GLIS1: variants seen among roughly 807,000 people sequenced by gnomAD.
The protein encoded by GLIS1 is GLIS family zinc finger 1.
A neutral mutation model predicts 63.8 loss-of-function variants in GLIS1; 24 were observed. The ratio of observed to expected loss-of-function variants is 0.38; its 90% CI spans 0.27 to 0.53. The LOEUF is 0.53. Ranked by LOEUF, GLIS1 falls within the 20% of genes least tolerant of loss-of-function variation. GLIS1 has a pLI of 0.85. For synonymous variants in GLIS1, 450 were observed against 482.5 expected (o/e 0.93, Z 0.88); for missense variants, 1,036 against 1,074.1 (o/e 0.96, Z 0.50).
chr1:53,509,752 C>T, intron 9 of GLIS1, 97 bp downstream of exon 9: 1 of 733,344 alleles, frequency 1.4e-6, no homozygotes, highest in Non-Finnish European at 1.9e-6. Flanking sequence ...TCTCTGAGTA[C>T]CTGCCTCCCC....
chr1:53,681,364 T>C (rs1489464059), intron 2 of GLIS1, among the ~76,000 whole-genome samples: 1 of 152,238 alleles, frequency 6.6e-6, no homozygotes, highest in Non-Finnish European at 1.5e-5. Context: ...GGCCTCATCA[T>C]CTGCTGCCTG....
chr1:53,722,950 T>G (rs2100554101), intron 2 of GLIS1, among the ~76,000 whole-genome samples: 1 of 151,420 alleles, frequency 6.6e-6, no homozygotes, highest in East Asian at 2.0e-4. Context: ...CTGGCCAACA[T>G]GGTGAAACCC....
In GLIS1 at chr1:53,539,338, C is replaced by A. The variant is rs1644616376; in HGVS notation, c.1321-9386G>T. On this transcript the variant is annotated intron_variant, in intron 4 of 10. Coordinates refer to ENST00000628545, the MANE Select transcript of GLIS1 (RefSeq NM_001367484.1). This position sits in a 1 kb window ranked among gnomAD's most constrained non-coding sequence, Gnocchi z 5.0. The stretch of plus-strand genomic sequence containing the variant: ...ACACACCCCAATTCACCCACACATA[C>A]CATATCCCCACATATATACCACATA... Among the ~76,000 whole-genome samples the A allele has an allele frequency of 1.3e-5, 2 of 150,492 alleles. No individual in the cohort carries two copies. Among genetic ancestry groups the A allele is most frequent in the African/African-American group, 2.5e-5 (1 of 40,784 alleles).
intron 5 of GLIS1, among the ~76,000 whole-genome samples, chr1:53,527,490 G>A (rs538158210): frequency 2.6e-4 from 40 of 152,358 alleles, no homozygotes; most frequent in African/African-American, 9.4e-4. Context: ...CCTCTCAGGA[G>A]GCCCAGGGAG....
chr1:53,570,943 A>T (rs1644978276), intron 4 of GLIS1, among the ~76,000 whole-genome samples: 2 of 152,262 alleles, frequency 1.3e-5, no homozygotes. Flanking sequence ...AAACAATAAA[A>T]GGAAAGATTG....
intron 3 of GLIS1, among the ~76,000 whole-genome samples, 171 bp from the exon 4 acceptor site, chr1:53,595,161 A>G (rs188523418): frequency 8.1e-4 from 123 of 152,204 alleles, no homozygotes; most frequent in Non-Finnish European, 1.5e-3. Context: ...GGTTGTCTGG[A>G]AAACAAGCAG....
At chr1:53,510,334 G>A (rs1569713392) in intron 8 of GLIS1, among the ~76,000 whole-genome samples, 1 of 152,210 alleles carries the variant, frequency 6.6e-6, no homozygotes, top group South Asian at 2.1e-4. Context: ...ACTATTTTGG[G>A]CAAGCTGCTC....
chr1:53,702,077 T>C (rs1000204815), intron 2 of GLIS1, among the ~76,000 whole-genome samples: 5 of 149,924 alleles, frequency 3.3e-5, no homozygotes, highest in African/African-American at 1.2e-4. Flanking sequence ...ATTTAACAAA[T>C]GTTCATGGAA....
chr1:53,723,176 G>A (rs765715861), intron 2 of GLIS1, among the ~76,000 whole-genome samples: 9 of 150,740 alleles, frequency 6.0e-5, no homozygotes, highest in Non-Finnish European at 1.2e-4. Flanking sequence ...TCTTTACAAA[G>A]AATGTTAATA....
intron 4 of GLIS1, among the ~76,000 whole-genome samples, chr1:53,542,566 T>C (rs1056742546): frequency 1.3e-5 from 2 of 152,150 alleles, no homozygotes; most frequent in African/African-American, 4.8e-5. Context: ...CCCAAATTAG[T>C]TGGGGGCTGG....
intron 9 of GLIS1, among the ~76,000 whole-genome samples, chr1:53,509,581 G>T (rs776041321): frequency 6.6e-6 from 1 of 152,122 alleles, no homozygotes; most frequent in Non-Finnish European, 1.5e-5. Context: ...GCTCAATCCC[G>T]CTCACTGGCC....
intron 5 of GLIS1, 75 bp downstream of exon 5, chr1:53,529,714 AGG>A (rs1390795543): frequency 8.2e-6 from 12 of 1,458,684 alleles, no homozygotes; most frequent in Middle Eastern, 2.5e-4. Flanking sequence ...AGGGTAAGGC[AGG>A]GGCTCTGCAC....
chr1:53,649,396 G>GT (rs1407441944), intron 2 of GLIS1, among the ~76,000 whole-genome samples: 1 of 152,212 alleles, frequency 6.6e-6, no homozygotes, highest in Non-Finnish European at 1.5e-5. Flanking sequence ...AGTGTTGTGA[G>GT]TATCTGTGAG....
intron 2 of GLIS1, among the ~76,000 whole-genome samples, chr1:53,609,845 C>T (rs567714714): frequency 6.6e-6 from 1 of 152,296 alleles, no homozygotes; most frequent in African/African-American, 2.4e-5. Flanking sequence ...TACATGATCA[C>T]ACCTAGGCTA....
chr1:53,632,377 GTGAGTGTGACTGAGGGGTGTT>G (rs1256047268), intron 2 of GLIS1, among the ~76,000 whole-genome samples: 5 of 148,050 alleles, frequency 3.4e-5, no homozygotes, highest in South Asian at 2.2e-4. Context: ...TGAGGGGTGT[GTGAGTGTGACTGAGGGGTGTT>G]TGAGTGTGAC....
At chr1:53,695,761 G>C (rs1646459372) in intron 2 of GLIS1, among the ~76,000 whole-genome samples, 2 of 152,196 alleles carry the variant, frequency 1.3e-5, no homozygotes, top group South Asian at 4.1e-4. Flanking sequence ...GGCTTTTACT[G>C]AGCACCTACT....
At position 53,506,479 on chromosome 1, in the gene GLIS1, C is replaced by T. The variant is rs996071311; in HGVS notation, c.*140G>A. ...CTGGCAGCGCTGGGTGGGGTGGCAG[C>T]GCTGGCTCCCCTGGGTCATGGCCTG... On this transcript the variant is annotated 3_prime_UTR_variant, in exon 11 of 11. Transcript: ENST00000628545. 29 of 880,834 alleles carry T rather than the reference C, an allele frequency of 3.3e-5. 1 individual carries two copies. The highest frequency in any genetic ancestry group is 1.5e-4 in the South Asian group (9 of 58,418). 54.6% of individuals were successfully genotyped at this position (880,834 alleles called of 1,614,324 possible).
chr1:53,712,871 C>T (rs972344259), intron 2 of GLIS1, among the ~76,000 whole-genome samples: 4 of 152,090 alleles, frequency 2.6e-5, no homozygotes, highest in African/African-American at 4.8e-5. Context: ...ACGGCAAACA[C>T]GGCACTGCCA....
chr1:53,733,005 C>T (rs1646878616), intron 2 of GLIS1, among the ~76,000 whole-genome samples: 1 of 152,034 alleles, frequency 6.6e-6, no homozygotes, highest in South Asian at 2.1e-4. Flanking sequence ...TTATTTTTTC[C>T]CCTAATCCTA....
Sources: allele counts gnomAD v4.1 joint callset (sites outside exome capture counted in the v4.1 genomes callset), GRCh38; gene constraint gnomAD v4.1.1; non-coding constraint Gnocchi (gnomAD v3.1); transcripts MANE v1.5; gene names NCBI Gene and HGNC (gene_info 2026-07-23, HGNC 2026-07-21).